The following CSMD3 variants were observed in gnomAD, a reference collection of about 807,000 sequenced individuals.
CSMD3 encodes CUB and Sushi multiple domains 3.
In CSMD3, 177 loss-of-function variants were observed where a neutral mutation model predicts 435.2. The ratio of observed to expected loss-of-function variants is 0.41; its 90% confidence interval spans 0.36 to 0.46. CSMD3 has a LOEUF of 0.46. Ranked by LOEUF, CSMD3 falls within the 20% of genes least tolerant of loss-of-function variation. CSMD3 has a pLI of 0.34. For synonymous variants in CSMD3, 1,656 were observed against 1,520.5 expected (o/e 1.09, Z -2.07); for missense variants, 4,265 against 4,504.6 (o/e 0.95, Z 1.52).
At chr8:112,858,869 T>A (rs951886727) in intron 11 of CSMD3, among the ~76,000 whole-genome samples, 1 of 151,898 alleles carries the variant, frequency 6.6e-6, no homozygotes, top group Non-Finnish European at 1.5e-5. Context: ...TTAAAAAGGA[T>A]ACACTTACAA....
chr8:112,450,131 A>G (rs1816096407), intron 32 of CSMD3, among the ~76,000 whole-genome samples: 1 of 152,156 alleles, frequency 6.6e-6, no homozygotes, highest in African/African-American at 2.4e-5. Flanking sequence ...AATCCTCTCA[A>G]TAAGTCTATA....
intron 32 of CSMD3, among the ~76,000 whole-genome samples, chr8:112,416,390 T>A (rs1335861092): frequency 1.3e-5 from 2 of 152,234 alleles, no homozygotes; most frequent in Non-Finnish European, 2.9e-5. Context: ...TATTCAGGAC[T>A]GTGAATCAAT....
chr8:112,307,773 G>A (rs1028067014), intron 50 of CSMD3, among the ~76,000 whole-genome samples: 11 of 152,060 alleles, frequency 7.2e-5, no homozygotes, highest in East Asian at 5.8e-4. Context: ...TAGCTTACAC[G>A]TTTCATACAA....
At chr8:112,446,639 G>A (rs1815636421) in intron 32 of CSMD3, among the ~76,000 whole-genome samples, 1 of 152,070 alleles carries the variant, frequency 6.6e-6, no homozygotes, top group Non-Finnish European at 1.5e-5. Flanking sequence ...TAGTTTTTAG[G>A]TTTTTCATTA....
In CSMD3 at chr8:112,408,388, A is replaced by T. The variant is rs2130065020; in HGVS notation, c.5535T>A (p.Gly1845=). ...HSGESLPLSS[G]NQITIRFTSV... ...AAGTAAATCGAATTGTGATCTGATT[A>T]CCTGAACTCAGTGGAAGTGATTCTC... The change falls in exon 34 of 71, where the codon GGT becomes GGA. Residue 1845 remains glycine, a synonymous_variant. Transcript: ENST00000297405. The T allele has an allele frequency of 6.2e-7, 1 of 1,609,894 alleles. No homozygotes were observed. Among genetic ancestry groups the T allele is most frequent in the Non-Finnish European group, 8.5e-7 (1 of 1,176,562 alleles).
chr8:112,876,234 A>G (rs2511538), intron 10 of CSMD3, among the ~76,000 whole-genome samples: 121,234 of 151,980 alleles, frequency 0.8, 49,151 homozygotes, highest in East Asian at 0.93. Flanking sequence ...ATTCATAGCC[A>G]AACTCTATCA....
chr8:112,707,268 C>T (rs542812733), intron 13 of CSMD3, among the ~76,000 whole-genome samples: 1 of 152,078 alleles, frequency 6.6e-6, no homozygotes, highest in East Asian at 1.9e-4. Context: ...GGATAAACCA[C>T]TCTTACTTAT....
At chr8:113,396,196 C>T (rs2094482862) in intron 1 of CSMD3, among the ~76,000 whole-genome samples, 1 of 152,082 alleles carries the variant, frequency 6.6e-6, no homozygotes, top group Non-Finnish European at 1.5e-5. Flanking sequence ...ATATGATTCC[C>T]ATTGGGGATC....
intron 9 of CSMD3, among the ~76,000 whole-genome samples, chr8:112,927,415 C>G (rs897831284): frequency 4.6e-5 from 7 of 152,066 alleles, no homozygotes; most frequent in African/African-American, 1.4e-4. Context: ...GGTCATTCCT[C>G]CAACTAGTTT....
chr8:113,435,923 T>C (rs1336929411), intron 1 of CSMD3, among the ~76,000 whole-genome samples: 1 of 151,914 alleles, frequency 6.6e-6, no homozygotes, highest in African/African-American at 2.4e-5. Context: ...CCCTCCCCTA[T>C]CTGTGCATGT....
At chr8:113,277,263 G>GT (rs1457931560) in intron 3 of CSMD3, among the ~76,000 whole-genome samples, 1 of 151,928 alleles carries the variant, frequency 6.6e-6, no homozygotes, top group Non-Finnish European at 1.5e-5. Context: ...TTCAACTATT[G>GT]TGAGAGCTCC....
chr8:113,301,841 A>G (rs1440898376), intron 2 of CSMD3, among the ~76,000 whole-genome samples: 1 of 152,024 alleles, frequency 6.6e-6, no homozygotes, highest in African/African-American at 2.4e-5. Flanking sequence ...TTTTTACATG[A>G]TTATTTGATG....
At chr8:113,135,820 T>C (rs970652498) in intron 4 of CSMD3, among the ~76,000 whole-genome samples, 2 of 151,814 alleles carry the variant, frequency 1.3e-5, no homozygotes, top group Non-Finnish European at 2.9e-5. Flanking sequence ...TGGACTGACC[T>C]CTGTGGAAAC....
At chr8:113,112,795 TTTG>T (rs2090702177) in intron 4 of CSMD3, among the ~76,000 whole-genome samples, 1 of 152,078 alleles carries the variant, frequency 6.6e-6, no homozygotes, top group African/African-American at 2.4e-5. Flanking sequence ...GCTGGGATTT[TTTG>T]TTTAGTTTTG....
At chr8:112,639,549 C>A (rs149483213) in intron 20 of CSMD3, among the ~76,000 whole-genome samples, 1 of 152,244 alleles carries the variant, frequency 6.6e-6, no homozygotes, top group East Asian at 1.9e-4. Flanking sequence ...AATACCAACA[C>A]CCAGCGCCTT....
intron 32 of CSMD3, among the ~76,000 whole-genome samples, chr8:112,452,505 T>C (rs2123488): frequency 6.6e-6 from 1 of 152,238 alleles, no homozygotes; most frequent in Admixed American, 6.5e-5. Flanking sequence ...TAAGTTTCTT[T>C]AAAATTTCTT....
At chr8:113,239,616 A>G (rs1231833550) in intron 3 of CSMD3, among the ~76,000 whole-genome samples, 1 of 152,020 alleles carries the variant, frequency 6.6e-6, no homozygotes, top group East Asian at 1.9e-4. Context: ...TTTCTGTAAC[A>G]AGTATCTAAA....
At chr8:113,070,875 C>G (rs113934840) in intron 5 of CSMD3, among the ~76,000 whole-genome samples, 1 of 151,972 alleles carries the variant, frequency 6.6e-6, no homozygotes, top group African/African-American at 2.4e-5. Flanking sequence ...ATTCTACTTA[C>G]AATTTTTTGA....
At chr8:112,505,342 C>T (rs1404353705) in intron 29 of CSMD3, among the ~76,000 whole-genome samples, 2 of 152,118 alleles carry the variant, frequency 1.3e-5, no homozygotes, top group Non-Finnish European at 2.9e-5. Flanking sequence ...TAGCAGAAGT[C>T]AGAAGATTAA....
Sources: gnomAD v4.1 joint callset for allele counts (sites outside exome capture counted in the v4.1 genomes callset) on GRCh38, gnomAD v4.1.1 for gene constraint, MANE v1.5 for transcripts, NCBI Gene and HGNC (gene_info 2026-07-23, HGNC 2026-07-21) for gene names.